ARHGAP15: variants seen among roughly 807,000 people sequenced by gnomAD.
The protein encoded by ARHGAP15 is rho GTPase-activating protein 15.
In ARHGAP15, 51 loss-of-function variants were observed where a neutral mutation model predicts 63.7. That is an observed-to-expected ratio of 0.80 (90% CI 0.64 to 1.01). The LOEUF is 1.01. ARHGAP15 is among the 50% of genes least tolerant of loss of function. The pLI, the probability that ARHGAP15 is intolerant of heterozygous loss-of-function variation, is 0.00. For missense variants in ARHGAP15, 560 were observed against 564.6 expected, an observed-to-expected ratio of 0.99 and a Z score of 0.08; for synonymous variants, 191 against 193.8, an observed-to-expected ratio of 0.99 and a Z score of 0.12.
intron 11 of ARHGAP15, chr2:143,572,009 A>G (rs1300746879): frequency 6.6e-6 from 1 of 152,242 alleles, no homozygotes; most frequent in Middle Eastern, 3.2e-3. Flanking sequence ...TGCTTCTTCC[A>G]CTGTGTTCCC....
intron 6 of ARHGAP15, among the ~76,000 whole-genome samples, chr2:143,358,481 A>C (rs1685898264): frequency 6.6e-6 from 1 of 152,016 alleles, no homozygotes; most frequent in Admixed American, 6.6e-5. Context: ...ATTATGCAAA[A>C]ATATATTTAA....
intron 6 of ARHGAP15, among the ~76,000 whole-genome samples, chr2:143,392,486 C>T (rs1280031061): frequency 6.6e-6 from 1 of 152,054 alleles, no homozygotes; most frequent in Non-Finnish European, 1.5e-5. Context: ...TAAATCCTAC[C>T]TATATGATGT....
chr2:143,233,539 T>C (rs577307388), intron 5 of ARHGAP15, among the ~76,000 whole-genome samples: 1 of 152,202 alleles, frequency 6.6e-6, no homozygotes, highest in South Asian at 2.1e-4. Flanking sequence ...TTCATCATGA[T>C]GCATACAGAT....
At chr2:143,468,004 TAAGTTC>T (rs1026309167) in intron 8 of ARHGAP15, among the ~76,000 whole-genome samples, 1 of 152,146 alleles carries the variant, frequency 6.6e-6, no homozygotes. Flanking sequence ...CGTTGTAGTT[TAAGTTC>T]ATGTTTATTA....
At chr2:143,398,577 C>G (rs1221837192) in intron 6 of ARHGAP15, among the ~76,000 whole-genome samples, 1 of 152,032 alleles carries the variant, frequency 6.6e-6, no homozygotes, top group Non-Finnish European at 1.5e-5. Flanking sequence ...GCCGAATGAT[C>G]CTGAATTTTC....
intron 10 of ARHGAP15, among the ~76,000 whole-genome samples, chr2:143,524,933 G>GC (rs1694201239): frequency 6.6e-6 from 1 of 152,148 alleles, no homozygotes; most frequent in Non-Finnish European, 1.5e-5. Flanking sequence ...AAGCATTGTA[G>GC]TTGTTAATAT....
intron 13 of ARHGAP15, among the ~76,000 whole-genome samples, chr2:143,728,298 A>G (rs1286125952): frequency 6.6e-6 from 1 of 152,120 alleles, no homozygotes; most frequent in Non-Finnish European, 1.5e-5. Flanking sequence ...TAAGGACATC[A>G]GTCAAATTGG....
At chr2:143,485,929 C>T (rs1336485974) in intron 8 of ARHGAP15, among the ~76,000 whole-genome samples, 6 of 152,162 alleles carry the variant, frequency 3.9e-5, no homozygotes, top group Non-Finnish European at 8.8e-5. Flanking sequence ...AAATTCCACC[C>T]TTCTCCCAGC....
At chr2:143,641,185 A>G (rs1680580817) in intron 12 of ARHGAP15, 1 of 152,150 alleles carries the variant, frequency 6.6e-6, no homozygotes, top group South Asian at 2.1e-4. Flanking sequence ...GGATTTCCCA[A>G]TGCGAAGCAG....
intron 11 of ARHGAP15, among the ~76,000 whole-genome samples, chr2:143,589,201 T>G (rs1192841988): frequency 6.6e-6 from 1 of 152,196 alleles, no homozygotes; most frequent in Non-Finnish European, 1.5e-5. Flanking sequence ...AATATATACT[T>G]CCACTTAAGT....
At chr2:143,674,342 A>G (rs1682719425) in intron 12 of ARHGAP15, among the ~76,000 whole-genome samples, 1 of 152,140 alleles carries the variant, frequency 6.6e-6, no homozygotes, top group Non-Finnish European at 1.5e-5. Context: ...AATCGTTAAA[A>G]TTTTTTCTTG....
In ARHGAP15 at chr2:143,478,766, T is replaced by C. The variant is rs1028685819; in HGVS notation, c.704-8607T>C. Among the ~76,000 whole-genome samples the C allele has an allele frequency of 6.6e-5, 10 of 152,224 alleles. 1 individual carries two copies. Among genetic ancestry groups the C allele is most frequent in the Admixed American group, 5.2e-4 (8 of 15,286 alleles). On this transcript the variant is annotated intron_variant, in intron 8 of 13. Transcript: ENST00000295095. ...GCAAAAGTGGAAATTAAGACTATTTTAGAAGAATTATGTATAACTTATAAT... is the reference window on the plus strand; with the variant it reads ...GCAAAAGTGGAAATTAAGACTATTTCAGAAGAATTATGTATAACTTATAAT...
At chr2:143,470,159 A>C (rs111720916) in intron 8 of ARHGAP15, among the ~76,000 whole-genome samples, 4 of 152,038 alleles carry the variant, frequency 2.6e-5, no homozygotes, top group African/African-American at 7.2e-5. Flanking sequence ...CCTTAAAAAA[A>C]ATTTAACTTT....
chr2:143,682,464 G>A (rs189626720), intron 12 of ARHGAP15, among the ~76,000 whole-genome samples: 2 of 152,160 alleles, frequency 1.3e-5, no homozygotes, highest in African/African-American at 2.4e-5. Flanking sequence ...ATGTGAAAAT[G>A]CAAAAACATG....
At chr2:143,652,511 A>G (rs1413026287) in intron 12 of ARHGAP15, among the ~76,000 whole-genome samples, 1 of 152,100 alleles carries the variant, frequency 6.6e-6, no homozygotes, top group Non-Finnish European at 1.5e-5. Flanking sequence ...TTAAACCTGT[A>G]GATTAATTTG....
intron 8 of ARHGAP15, 142 bp from the exon 9 acceptor site, chr2:143,487,231 C>T (rs1692364482): frequency 2.1e-6 from 2 of 939,474 alleles, no homozygotes; most frequent in Non-Finnish European, 3.1e-6. Flanking sequence ...ATTTTACTCA[C>T]ATGGCTTGTT....
At chr2:143,512,202 A>G (rs1487254667) in intron 9 of ARHGAP15, among the ~76,000 whole-genome samples, 1 of 152,236 alleles carries the variant, frequency 6.6e-6, no homozygotes, top group Non-Finnish European at 1.5e-5. Context: ...CTAGAAGATC[A>G]GACTCATATC....
chr2:143,340,498 TC>T (rs1685009871), intron 6 of ARHGAP15, among the ~76,000 whole-genome samples: 1 of 151,172 alleles, frequency 6.6e-6, no homozygotes, highest in Admixed American at 6.7e-5. Context: ...GCTGATTTTA[TC>T]CTAAATTTTT....
chr2:143,678,073 A>C (rs960953233), intron 12 of ARHGAP15, among the ~76,000 whole-genome samples: 2 of 152,108 alleles, frequency 1.3e-5, no homozygotes, highest in Non-Finnish European at 2.9e-5. Context: ...TTAGCCAGGC[A>C]TGGTGGTGCA....
Sources: gnomAD v4.1 joint callset for allele counts (sites outside exome capture counted in the v4.1 genomes callset) on GRCh38, gnomAD v4.1.1 for gene constraint, MANE v1.5 for transcripts, NCBI Gene and HGNC (gene_info 2026-07-23, HGNC 2026-07-21) for gene names.